GALNTL6: variants seen among roughly 807,000 people sequenced by gnomAD.
The protein encoded by GALNTL6 is polypeptide N-acetylgalactosaminyltransferase-like 6.
In GALNTL6, 46 loss-of-function variants were observed where a neutral mutation model predicts 73.7. The ratio of observed to expected loss-of-function variants is 0.62; its 90% CI spans 0.49 to 0.80. The LOEUF (loss-of-function observed/expected upper bound fraction) is 0.80. GALNTL6 is among the 30% of genes least tolerant of loss of function. The pLI, the probability that GALNTL6 is intolerant of heterozygous loss-of-function variation, is 0.00. For missense variants in GALNTL6, 604 were observed against 755.0 expected (o/e 0.80, Z 2.34); for synonymous variants, 259 against 263.7 (o/e 0.98, Z 0.17).
intron 10 of GALNTL6, among the ~76,000 whole-genome samples, chr4:172,986,775 T>C (rs1751307750): frequency 6.6e-6 from 1 of 152,230 alleles, no homozygotes; most frequent in South Asian, 2.1e-4. Flanking sequence ...AGATGTCCAA[T>C]TCAAAACACT....
chr4:172,325,758 G>T (rs1169858521), intron 4 of GALNTL6, among the ~76,000 whole-genome samples: 1 of 151,678 alleles, frequency 6.6e-6, no homozygotes, highest in African/African-American at 2.4e-5. Context: ...TCACTAAAAT[G>T]TTATGCAAAG....
intron 2 of GALNTL6, among the ~76,000 whole-genome samples, chr4:172,143,146 A>G (rs963129586): frequency 3.3e-5 from 5 of 152,044 alleles, no homozygotes; most frequent in African/African-American, 1.2e-4. Flanking sequence ...AGGGTGTCCA[A>G]ATCTACTTAG....
chr4:172,802,742 G>T (rs747188730), intron 5 of GALNTL6, among the ~76,000 whole-genome samples: 4 of 152,190 alleles, frequency 2.6e-5, no homozygotes, highest in Non-Finnish European at 5.9e-5. Flanking sequence ...GGTGGAGGCT[G>T]CAGTGAGCTG....
At chr4:172,818,845 C>T (rs758375577) in intron 7 of GALNTL6, among the ~76,000 whole-genome samples, 5 of 152,222 alleles carry the variant, frequency 3.3e-5, no homozygotes, top group Non-Finnish European at 5.9e-5. Context: ...GATCTGCCCG[C>T]CTTAGCCTCC....
chr4:172,132,234 A>G (rs1366394178), intron 2 of GALNTL6, among the ~76,000 whole-genome samples: 4 of 152,094 alleles, frequency 2.6e-5, no homozygotes, highest in Non-Finnish European at 5.9e-5. Flanking sequence ...CCAAATGTTG[A>G]TATCTCATTT....
At chr4:172,297,644 C>A (rs1739734236) in intron 3 of GALNTL6, among the ~76,000 whole-genome samples, 1 of 152,144 alleles carries the variant, frequency 6.6e-6, no homozygotes, top group Admixed American at 6.5e-5. Context: ...TCAGGTTTGT[C>A]AAAAATCAGA....
chr4:172,108,469 C>A (rs898795864), intron 2 of GALNTL6, among the ~76,000 whole-genome samples: 1 of 152,152 alleles, frequency 6.6e-6, no homozygotes, highest in Non-Finnish European at 1.5e-5. Context: ...TAAGCCTAAA[C>A]AGTCAGGAAG....
At chr4:173,038,324 G>A (rs1013835156) in intron 12 of GALNTL6, among the ~76,000 whole-genome samples, 4 of 152,266 alleles carry the variant, frequency 2.6e-5, no homozygotes, top group Middle Eastern at 3.4e-3. Context: ...CCACAGCAGC[G>A]GCTGGGAGAG....
At chr4:172,041,353 A>G (rs534749077) in intron 2 of GALNTL6, among the ~76,000 whole-genome samples, 1 of 152,100 alleles carries the variant, frequency 6.6e-6, no homozygotes, top group Non-Finnish European at 1.5e-5. Context: ...CAAGCTATCA[A>G]TTATATTAAG....
intron 5 of GALNTL6, among the ~76,000 whole-genome samples, chr4:172,585,212 A>G (rs1037814932): frequency 1.3e-5 from 2 of 152,146 alleles, no homozygotes; most frequent in African/African-American, 4.8e-5. Flanking sequence ...TTGGGAACTT[A>G]AAGTCTTCAT....
chr4:172,803,569 A>G (rs1002195526), intron 5 of GALNTL6, among the ~76,000 whole-genome samples: 1 of 152,214 alleles, frequency 6.6e-6, no homozygotes, highest in Admixed American at 6.5e-5. Flanking sequence ...AGAATACTTC[A>G]TAGGTGGTGA....
intron 8 of GALNTL6, 45 bp from the exon 9 acceptor site, chr4:172,931,116 G>A (rs763801453): frequency 9.9e-7 from 1 of 1,011,864 alleles, no homozygotes; most frequent in Non-Finnish European, 1.6e-6. Flanking sequence ...TTCCTTTCTT[G>A]TGTGAAATTC....
At chr4:172,262,103 A>G (rs868672109) in intron 3 of GALNTL6, among the ~76,000 whole-genome samples, 1 of 151,498 alleles carries the variant, frequency 6.6e-6, no homozygotes, top group Non-Finnish European at 1.5e-5. Context: ...GAAAATGTAT[A>G]TCTTGCAGTT....
At position 172,679,930 on chromosome 4, in the gene GALNTL6, T is replaced by C. The variant is rs565354799; in HGVS notation, c.554-129431T>C. On this transcript the variant is annotated intron_variant, in intron 5 of 12. Transcript: ENST00000506823. Reference sequence around the variant, plus strand: ...CCCTTCATATATAGCTACCTATGATTACTTTTTTTTTTCATTTTCAATGCT... The same window carrying C: ...CCCTTCATATATAGCTACCTATGATCACTTTTTTTTTTCATTTTCAATGCT... 5.5e-3 allele frequency among the ~76,000 whole-genome samples: 712 copies of C among 129,406 alleles called. 3 individuals are homozygous for C. Among genetic ancestry groups the C allele is most frequent in the African/African-American group, 0.022 (683 of 30,938 alleles). 84.9% of individuals were successfully genotyped at this position (129,406 alleles called of 152,430 possible).
At chr4:172,989,520 G>A (rs981399553) in intron 10 of GALNTL6, among the ~76,000 whole-genome samples, 5 of 152,174 alleles carry the variant, frequency 3.3e-5, no homozygotes, top group African/African-American at 1.2e-4. Flanking sequence ...ATGTCAAATT[G>A]TAATCCCTAG....
chr4:172,115,735 C>T (rs1732968084), intron 2 of GALNTL6, among the ~76,000 whole-genome samples: 2 of 151,814 alleles, frequency 1.3e-5, no homozygotes, highest in South Asian at 2.1e-4. Flanking sequence ...GATCGTGGAA[C>T]AGTAAGCCTG....
At chr4:172,500,197 G>T (rs913582906) in intron 5 of GALNTL6, among the ~76,000 whole-genome samples, 1 of 152,114 alleles carries the variant, frequency 6.6e-6, no homozygotes, top group East Asian at 1.9e-4. Flanking sequence ...GAGACAGGAG[G>T]ATCACCTGAG....
chr4:172,906,555 A>G (rs1746904484), intron 8 of GALNTL6, among the ~76,000 whole-genome samples: 2 of 152,190 alleles, frequency 1.3e-5, no homozygotes, highest in Admixed American at 6.5e-5. Context: ...GTGGACATCA[A>G]ATGTTCAGCC....
intron 2 of GALNTL6, among the ~76,000 whole-genome samples, chr4:172,187,790 T>G (rs969019011): frequency 1.3e-5 from 2 of 152,112 alleles, no homozygotes; most frequent in African/African-American, 4.8e-5. Flanking sequence ...TTCTTAAAAT[T>G]TAGGAGACAA....
Sources: gnomAD v4.1 joint callset for allele counts (sites outside exome capture counted in the v4.1 genomes callset) on GRCh38, gnomAD v4.1.1 for gene constraint, MANE v1.5 for transcripts, NCBI Gene and HGNC (gene_info 2026-07-23, HGNC 2026-07-21) for gene names.